Variants in SGCZ observed in about 807,000 individuals in gnomAD.
The protein encoded by SGCZ is zeta-sarcoglycan.
A neutral mutation model predicts 41.3 loss-of-function variants in SGCZ; 40 were observed. The observed-to-expected ratio is 0.97, with a 90% CI of 0.75 to 1.26. The LOEUF is 1.26. Ranked by LOEUF, SGCZ falls within the 50% of genes most tolerant of loss-of-function variation. The pLI is 0.00. For synonymous variants in SGCZ, 206 were observed against 137.5 expected (o/e 1.50, Z -3.49); for missense variants, 552 against 369.8 (o/e 1.49, Z -4.04).
intron 1 of SGCZ, among the ~76,000 whole-genome samples, chr8:14,946,851 T>A (rs964793563): frequency 7.2e-5 from 11 of 151,890 alleles, no homozygotes; most frequent in African/African-American, 2.7e-4. Context: ...AATTTTTGTA[T>A]TTTTAGTAGA....
At chr8:14,284,695 C>A (rs918054966) in intron 3 of SGCZ, among the ~76,000 whole-genome samples, 2 of 152,060 alleles carry the variant, frequency 1.3e-5, no homozygotes, top group African/African-American at 4.8e-5. Flanking sequence ...TTATTTTCTG[C>A]ACCTTGTTAC....
intron 1 of SGCZ, among the ~76,000 whole-genome samples, chr8:15,005,328 C>CTTTT (rs10603664): frequency 4.8e-4 from 38 of 78,712 alleles, no homozygotes; most frequent in African/African-American, 1.5e-3. Flanking sequence ...TTTTCTTTTT[C>CTTTT]TTTTTTTTTT....
At chr8:15,209,988 A>C (rs1345933166) in intron 1 of SGCZ, among the ~76,000 whole-genome samples, 1 of 152,096 alleles carries the variant, frequency 6.6e-6, no homozygotes, top group Non-Finnish European at 1.5e-5. Flanking sequence ...CACACTATTT[A>C]AAAAATCATT....
At chr8:14,163,764 A>C (rs761336032) in intron 5 of SGCZ, among the ~76,000 whole-genome samples, 14 of 152,166 alleles carry the variant, frequency 9.2e-5, no homozygotes, top group Non-Finnish European at 1.5e-4. Flanking sequence ...CACCTGACCC[A>C]CAGGACTGTT....
At chr8:15,166,482 T>C (rs1012020343) in intron 1 of SGCZ, among the ~76,000 whole-genome samples, 1 of 152,064 alleles carries the variant, frequency 6.6e-6, no homozygotes, top group African/African-American at 2.4e-5. Context: ...TCTCCTGACC[T>C]CATGATCCGC....
intron 2 of SGCZ, among the ~76,000 whole-genome samples, chr8:14,371,885 C>A (rs1230675703): frequency 1.3e-5 from 2 of 151,820 alleles, no homozygotes; most frequent in African/African-American, 4.8e-5. Context: ...TCTTTATATG[C>A]CTTGAGGGTT....
At chr8:14,819,872 T>C (rs530482701) in intron 1 of SGCZ, among the ~76,000 whole-genome samples, 1 of 151,774 alleles carries the variant, frequency 6.6e-6, no homozygotes, top group Non-Finnish European at 1.5e-5. Context: ...GATACACAAA[T>C]AATAAAGAGA....
chr8:14,933,436 T>TC (rs1277367672), intron 1 of SGCZ, among the ~76,000 whole-genome samples: 4 of 145,266 alleles, frequency 2.8e-5, no homozygotes, highest in African/African-American at 1.0e-4. Context: ...TTTTTCTTTT[T>TC]TTTTTTTTTT....
intron 1 of SGCZ, among the ~76,000 whole-genome samples, chr8:14,836,953 C>T (rs1386735834): frequency 6.6e-6 from 1 of 152,148 alleles, no homozygotes; most frequent in African/African-American, 2.4e-5. Flanking sequence ...GAATATCATT[C>T]TGTATTTTCT....
intron 1 of SGCZ, among the ~76,000 whole-genome samples, chr8:14,878,028 T>C (rs1461678189): frequency 6.6e-6 from 1 of 152,038 alleles, no homozygotes; most frequent in Non-Finnish European, 1.5e-5. Flanking sequence ...TTGCCTTTCT[T>C]CCCAAGTAAA....
Position 15,003,345 on chromosome 8 carries a change from G to C in SGCZ, c.39+234240C>G, listed in dbSNP as rs116929911. Among the ~76,000 whole-genome samples the C allele has an allele frequency of 9.0e-3, 1,376 of 152,212 alleles. 10 individuals are homozygous for C. The highest frequency in any genetic ancestry group is 0.022 in the South Asian group (104 of 4,824). On this transcript the variant is annotated intron_variant, in intron 1 of 7. Coordinates refer to ENST00000382080, the MANE Select transcript of SGCZ (RefSeq NM_139167.4). ...CCTCTTTTTATGTATAAATTACTCA[G>C]TCTCAAGTATATCTTTATTAGCAGC... is the stretch of plus-strand genomic sequence containing the variant.
In SGCZ at chr8:14,088,496, T is replaced by G. The variant is rs1801594028; in HGVS notation, c.*1947A>C. ...GCACACATAATTTCTCAATATTTCT[T>G]GTATTATACTTTATTTTGCAAAGAC... On this transcript the variant is annotated 3_prime_UTR_variant, in exon 8 of 8. Coordinates refer to ENST00000382080, the MANE Select transcript of SGCZ (RefSeq NM_139167.4). Among the ~76,000 whole-genome samples the G allele has an allele frequency of 6.6e-6, 1 of 151,866 alleles. No homozygotes were observed. The highest frequency in any genetic ancestry group is 1.5e-5 in the Non-Finnish European group (1 of 67,842).
intron 2 of SGCZ, among the ~76,000 whole-genome samples, chr8:14,520,402 T>C (rs1802753631): frequency 6.6e-6 from 1 of 152,096 alleles, no homozygotes; most frequent in African/African-American, 2.4e-5. Context: ...CTGTGGCAAC[T>C]GAAACAGTTA....
At chr8:14,106,132 A>C (rs1425786663) in intron 6 of SGCZ, among the ~76,000 whole-genome samples, 2 of 152,166 alleles carry the variant, frequency 1.3e-5, no homozygotes, top group Admixed American at 1.3e-4. Context: ...AGTTTCAGTA[A>C]TTCACATTAA....
chr8:14,604,237 A>G (rs143797248), intron 1 of SGCZ, among the ~76,000 whole-genome samples: 119 of 152,262 alleles, frequency 7.8e-4, no homozygotes, highest in African/African-American at 2.7e-3. Flanking sequence ...TAGAAGAAGA[A>G]GAATGAAAAA....
At chr8:14,096,464 C>T (rs944638706) in intron 7 of SGCZ, among the ~76,000 whole-genome samples, 7 of 152,100 alleles carry the variant, frequency 4.6e-5, no homozygotes, top group Admixed American at 6.6e-5. Context: ...CCAACTTGAT[C>T]GTGGTGGATA....
chr8:14,450,159 C>T (rs750603965), intron 2 of SGCZ, among the ~76,000 whole-genome samples: 38 of 152,120 alleles, frequency 2.5e-4, no homozygotes, highest in Non-Finnish European at 5.3e-4. Flanking sequence ...CCCATAAGGC[C>T]ATGGCTGTGT....
intron 1 of SGCZ, among the ~76,000 whole-genome samples, chr8:14,656,518 T>TCCTCCCCCCTCTATCCCTCCCTTCC: frequency 6.7e-6 from 1 of 149,814 alleles, no homozygotes; most frequent in East Asian, 2.0e-4. Context: ...CTTCCTTCCT[T>TCCTCCCCCCTCTATCCCTCCCTTCC]TTCTTTTCTT....
chr8:14,386,296 T>C (rs1398472450), intron 2 of SGCZ, among the ~76,000 whole-genome samples: 2 of 136,984 alleles, frequency 1.5e-5, no homozygotes, highest in Non-Finnish European at 3.0e-5. Flanking sequence ...TTTGACTGCA[T>C]CATGGTAAAA....
Sources: allele counts gnomAD v4.1 joint callset (sites outside exome capture counted in the v4.1 genomes callset), GRCh38; gene constraint gnomAD v4.1.1; transcripts MANE v1.5; gene names NCBI Gene and HGNC (gene_info 2026-07-23, HGNC 2026-07-21).